The following RBPMS variants were observed in gnomAD, a reference collection of about 807,000 sequenced individuals.
RBPMS encodes RNA binding protein, mRNA processing factor.
A neutral mutation model predicts 26.8 loss-of-function variants in RBPMS; 7 were observed. The ratio of observed to expected loss-of-function variants is 0.26; its 90% CI spans 0.15 to 0.49. The LOEUF (loss-of-function observed/expected upper bound fraction) is 0.49, where lower values mean the gene tolerates loss of function less well. Among genes scored for constraint, RBPMS ranks in the 20% least tolerant of loss-of-function variants. The pLI is 0.98. For synonymous variants in RBPMS, 96 were observed against 93.3 expected (o/e 1.03, Z -0.17); for missense variants, 186 against 250.0 (o/e 0.74, Z 1.73).
chr8:30,512,226 C>T (rs1311356445), intron 5 of RBPMS, among the ~76,000 whole-genome samples: 1 of 151,850 alleles, frequency 6.6e-6, no homozygotes, highest in African/African-American at 2.4e-5. Flanking sequence ...CATGTATTTC[C>T]TTTTTTATTA....
intron 1 of RBPMS, among the ~76,000 whole-genome samples, chr8:30,470,000 G>A (rs1816908470): frequency 6.6e-6 from 1 of 152,146 alleles, no homozygotes; most frequent in Non-Finnish European, 1.5e-5. Context: ...GCTTAGCAAA[G>A]CCAAAACTCT....
chr8:30,552,353 T>C (rs1826461349), intron 6 of RBPMS: 1 of 152,166 alleles, frequency 6.6e-6, no homozygotes, highest in South Asian at 2.1e-4. Context: ...GAGTGAACTT[T>C]TCTGTGAAGA....
At chr8:30,513,460 G>A (rs1416115323) in intron 5 of RBPMS, among the ~76,000 whole-genome samples, 2 of 151,474 alleles carry the variant, frequency 1.3e-5, no homozygotes, top group Non-Finnish European at 2.9e-5. Context: ...GTGGTGGCAG[G>A]CGCCTGTGGT....
chr8:30,388,080 T>G (rs1199989612), intron 1 of RBPMS, among the ~76,000 whole-genome samples: 2 of 152,172 alleles, frequency 1.3e-5, no homozygotes, highest in African/African-American at 2.4e-5. Context: ...TTTTAATGTA[T>G]TATTACATTA....
chr8:30,489,799 G>T (rs1819197962), intron 4 of RBPMS, among the ~76,000 whole-genome samples: 1 of 151,318 alleles, frequency 6.6e-6, no homozygotes, highest in African/African-American at 2.4e-5. Context: ...CTGTATACTG[G>T]TGTTTTTTGT....
chr8:30,514,052 A>G lies in RBPMS; in HGVS notation c.397+9616A>G, dbSNP rs1392405619. Among the ~76,000 whole-genome samples the G allele has an allele frequency of 5.3e-5, 8 of 152,322 alleles. No homozygotes were observed. The South Asian group carries it at 6.2e-4, about 12-fold the overall frequency. On this transcript the variant is annotated intron_variant, in intron 5 of 8. Coordinates refer to ENST00000397323, the MANE Select transcript of RBPMS (RefSeq NM_001008710.3). ...GACATAACTACTGGCACCTTAATAC[A>G]TATCAAGACAGTGGCACCAAAATAC...
At chr8:30,453,416 G>C (rs531463661) in intron 1 of RBPMS, among the ~76,000 whole-genome samples, 2 of 152,116 alleles carry the variant, frequency 1.3e-5, no homozygotes, top group South Asian at 2.1e-4. Flanking sequence ...ACTGACTGTT[G>C]GTTTGTGGAT....
At chr8:30,557,967 C>T (rs1321777198) in intron 6 of RBPMS, among the ~76,000 whole-genome samples, 3 of 152,170 alleles carry the variant, frequency 2.0e-5, no homozygotes, top group South Asian at 2.1e-4. Flanking sequence ...CTGGTTCAAG[C>T]GATTCTCCTG....
chr8:30,517,913 G>A (rs1333008855), intron 5 of RBPMS, among the ~76,000 whole-genome samples: 1 of 152,240 alleles, frequency 6.6e-6, no homozygotes, highest in African/African-American at 2.4e-5. Context: ...AACTGAAAGT[G>A]TAGGGAGAAA....
intron 8 of RBPMS, among the ~76,000 whole-genome samples, chr8:30,566,578 G>A (rs1324478964): frequency 6.6e-6 from 1 of 152,216 alleles, no homozygotes; most frequent in Non-Finnish European, 1.5e-5. Flanking sequence ...CATCACCCCA[G>A]TATTTGGTGC....
rs139445231 is a variant in RBPMS at position 30,452,458 on chromosome 8, T to A, written c.67-22321T>A. 1.3e-3 allele frequency among the ~76,000 whole-genome samples: 196 copies of A among 152,270 alleles called. 2 individuals are homozygous for A. The highest frequency in any genetic ancestry group is 4.5e-3 in the African/African-American group (188 of 41,548). The stretch of plus-strand genomic sequence containing the variant: ...TCACCAGGTGGCAGTTAGATACTCA[T>A]TGCTGGCATTTTATCCAGACACCAG... On this transcript the variant is annotated intron_variant, in intron 1 of 8. Transcript: ENST00000397323.
intron 1 of RBPMS, among the ~76,000 whole-genome samples, chr8:30,407,979 G>A (rs1808848637): frequency 6.6e-6 from 1 of 151,722 alleles, no homozygotes; most frequent in African/African-American, 2.4e-5. Flanking sequence ...TCCCTAAACA[G>A]AAGAGCTTGC....
chr8:30,478,930 G>T (rs1369339464), intron 3 of RBPMS, among the ~76,000 whole-genome samples: 1 of 152,198 alleles, frequency 6.6e-6, no homozygotes, highest in Non-Finnish European at 1.5e-5. Context: ...TGTACCAAAA[G>T]GTGATTCGGT....
At chr8:30,559,883 A>G (rs1208719203) in intron 7 of RBPMS, among the ~76,000 whole-genome samples, 1 of 152,204 alleles carries the variant, frequency 6.6e-6, no homozygotes, top group African/African-American at 2.4e-5. Flanking sequence ...TGTAAGATAA[A>G]AATACTTCCA....
At chr8:30,566,566 C>A (rs1226321869) in intron 8 of RBPMS, among the ~76,000 whole-genome samples, 1 of 152,198 alleles carries the variant, frequency 6.6e-6, no homozygotes, top group Non-Finnish European at 1.5e-5. Flanking sequence ...ATTTTTAAAG[C>A]CCATCACCCC....
intron 5 of RBPMS, among the ~76,000 whole-genome samples, chr8:30,513,347 T>A (rs150107663): frequency 6.6e-6 from 1 of 152,008 alleles, no homozygotes; most frequent in African/African-American, 2.4e-5. Flanking sequence ...TCCAGCACTT[T>A]GGGAGGCCGA....
chr8:30,508,272 A>G (rs1056110677), intron 5 of RBPMS, among the ~76,000 whole-genome samples: 3 of 152,242 alleles, frequency 2.0e-5, no homozygotes, highest in African/African-American at 7.2e-5. Flanking sequence ...ACTGGCCTCT[A>G]GAACTGTGAG....
intron 5 of RBPMS, 82 bp from the exon 6 acceptor site, chr8:30,544,412 C>G: frequency 7.4e-7 from 1 of 1,350,968 alleles, no homozygotes; most frequent in Non-Finnish European, 1.0e-6. Flanking sequence ...GATTGGGGCT[C>G]GGGGTTGTTG....
intron 1 of RBPMS, among the ~76,000 whole-genome samples, chr8:30,415,007 A>T (rs1302818298): frequency 6.6e-6 from 1 of 152,052 alleles, no homozygotes; most frequent in African/African-American, 2.4e-5. Context: ...ATTCCCATGG[A>T]TGGTGTCCTT....
Sources: allele counts gnomAD v4.1 joint callset (sites outside exome capture counted in the v4.1 genomes callset), GRCh38; gene constraint gnomAD v4.1.1; transcripts MANE v1.5; gene names NCBI Gene and HGNC (gene_info 2026-07-23, HGNC 2026-07-21).